ZFHX3: variants seen among roughly 807,000 people sequenced by gnomAD.
The protein encoded by ZFHX3 is zinc finger homeobox 3.
ZFHX3 carries 42 observed loss-of-function variants against 279.1 expected under a neutral mutation model. The ratio of observed to expected loss-of-function variants is 0.15; its 90% CI spans 0.12 to 0.19. The LOEUF is 0.19. Among genes scored for constraint, ZFHX3 ranks in the 10% least tolerant of loss-of-function variants. The probability of loss-of-function intolerance (pLI) is 1.00; values close to 1 mark genes in which losing one functional copy is unlikely to be tolerated. For missense variants in ZFHX3, 4,981 were observed against 4,754.0 expected (o/e 1.05, Z -1.40); for synonymous variants, 2,293 against 1,957.8 (o/e 1.17, Z -4.52).
intron 7 of ZFHX3, among the ~76,000 whole-genome samples, chr16:73,130,719 T>C (rs1255119233): frequency 6.6e-6 from 1 of 152,254 alleles, no homozygotes; most frequent in Non-Finnish European, 1.5e-5. Context: ...GGGATTCTCC[T>C]GCCTCAACCT....
At chr16:73,525,257 G>T (rs2019672126) in intron 2 of ZFHX3, among the ~76,000 whole-genome samples, 1 of 152,032 alleles carries the variant, frequency 6.6e-6, no homozygotes, top group Admixed American at 6.6e-5. Flanking sequence ...CTACATACAA[G>T]ACAAAACCCA....
At chr16:73,170,019 A>T (rs1427512897) in intron 5 of ZFHX3, among the ~76,000 whole-genome samples, 1 of 152,076 alleles carries the variant, frequency 6.6e-6, no homozygotes, top group Non-Finnish European at 1.5e-5. Flanking sequence ...TGTAAGCTCC[A>T]TGGAGGCAGG....
At chr16:73,729,552 AC>A (rs11341733) in intron 1 of ZFHX3, among the ~76,000 whole-genome samples, 112,866 of 148,152 alleles carry the variant, frequency 0.76, 43,347 homozygotes, top group East Asian at 0.86. Context: ...AAACAAACAA[AC>A]CAAAAAAAAA....
chr16:73,706,834 C>G (rs1477590948), intron 1 of ZFHX3, among the ~76,000 whole-genome samples: 3 of 152,170 alleles, frequency 2.0e-5, no homozygotes, highest in Non-Finnish European at 4.4e-5. Flanking sequence ...AATGAGCAAA[C>G]TGCTTTGTCA....
At chr16:73,557,932 C>T (rs1284612386) in intron 2 of ZFHX3, among the ~76,000 whole-genome samples, 1 of 152,150 alleles carries the variant, frequency 6.6e-6, no homozygotes, top group Non-Finnish European at 1.5e-5. Context: ...AAAAGCACAC[C>T]ATTCTGGAGC....
chr16:73,364,167 C>A (rs1205856940), intron 3 of ZFHX3, among the ~76,000 whole-genome samples: 7 of 83,542 alleles, frequency 8.4e-5, no homozygotes, highest in South Asian at 7.7e-4. Flanking sequence ...GTGAGTGAGA[C>A]CCTGTTTCAA....
intron 7 of ZFHX3, among the ~76,000 whole-genome samples, chr16:73,107,202 C>T (rs1038558685): frequency 3.3e-5 from 5 of 151,932 alleles, no homozygotes; most frequent in African/African-American, 9.7e-5. Flanking sequence ...CTCAGCTACT[C>T]GGGACTCTGA....
intron 2 of ZFHX3, among the ~76,000 whole-genome samples, chr16:73,603,119 C>A (rs774306242): frequency 3.3e-5 from 5 of 151,668 alleles, no homozygotes; most frequent in Admixed American, 2.0e-4. Context: ...CCTGTCTCTA[C>A]TAAAAAATAC....
intron 4 of ZFHX3, among the ~76,000 whole-genome samples, chr16:73,301,546 A>G (rs2015055989): frequency 6.6e-6 from 1 of 152,152 alleles, no homozygotes; most frequent in African/African-American, 2.4e-5. Context: ...GATACTGCCA[A>G]ATGTCCTCTG....
chr16:73,735,012 C>T (rs961368329), intron 1 of ZFHX3, among the ~76,000 whole-genome samples: 1 of 152,086 alleles, frequency 6.6e-6, no homozygotes, highest in Non-Finnish European at 1.5e-5. Flanking sequence ...CAACAGACAA[C>T]TTGAAGAATA....
intron 1 of ZFHX3, among the ~76,000 whole-genome samples, chr16:73,757,188 G>C (rs2053818873): frequency 6.6e-6 from 1 of 152,110 alleles, no homozygotes; most frequent in Non-Finnish European, 1.5e-5. Context: ...GGAGGGAAGG[G>C]TTGCCTGTAA....
intron 5 of ZFHX3, among the ~76,000 whole-genome samples, chr16:73,173,530 C>T (rs1485922309): frequency 2.6e-5 from 4 of 152,086 alleles, no homozygotes; most frequent in Non-Finnish European, 5.9e-5. Flanking sequence ...CTTTCCTCCA[C>T]CTCATTCTTT....
intron 3 of ZFHX3, among the ~76,000 whole-genome samples, chr16:73,372,493 C>A (rs758586446): frequency 9.9e-5 from 15 of 152,278 alleles, no homozygotes; most frequent in Non-Finnish European, 2.1e-4. Flanking sequence ...AATTTATACT[C>A]AAGTAATTAT....
At chr16:72,823,490 A>C (rs1734634091) in intron 5 of ZFHX3, among the ~76,000 whole-genome samples, 1 of 152,188 alleles carries the variant, frequency 6.6e-6, no homozygotes, top group Non-Finnish European at 1.5e-5. Context: ...CTGACAACAC[A>C]GTGTGTCTGT....
In ZFHX3 at chr16:73,750,061, A is replaced by G. The variant is rs183168928; in HGVS notation, c.-1607-69821T>C. Among the ~76,000 whole-genome samples, 161 of 152,210 alleles carry G rather than the reference A, an allele frequency of 1.1e-3. 1 individual carries two copies. The highest frequency in any genetic ancestry group is 1.6e-3 in the Non-Finnish European group (109 of 68,008). ...CCATCCATCCAATGGCTAACAATCT[A>G]TACTCTCCTGTGGAGAGTCAAGGGA... On this transcript the variant is annotated intron_variant, in intron 1 of 17. Transcript: ENST00000641206.
At chr16:73,693,882 G>A (rs2053171609) in intron 1 of ZFHX3, among the ~76,000 whole-genome samples, 1 of 152,106 alleles carries the variant, frequency 6.6e-6, no homozygotes, top group Admixed American at 6.6e-5. Flanking sequence ...GGCTCTCGGG[G>A]TAAGAAGAAA....
At chr16:73,111,986 C>T (rs964551392) in intron 7 of ZFHX3, among the ~76,000 whole-genome samples, 3 of 151,920 alleles carry the variant, frequency 2.0e-5, no homozygotes, top group African/African-American at 7.3e-5. Flanking sequence ...CCAAGAATCG[C>T]TTTAGAGGGG....
intron 5 of ZFHX3, chr16:73,233,900 C>T (rs556946364): frequency 8.5e-5 from 13 of 152,250 alleles, no homozygotes; most frequent in African/African-American, 2.6e-4. Context: ...CCAGTACATT[C>T]CAAGTTTCCT....
chr16:73,280,193 T>C (rs540756305), intron 4 of ZFHX3, among the ~76,000 whole-genome samples: 1 of 152,186 alleles, frequency 6.6e-6, no homozygotes, highest in African/African-American at 2.4e-5. Context: ...GGGGAAAAGA[T>C]CCTTGATATT....
Sources: allele counts gnomAD v4.1 joint callset (sites outside exome capture counted in the v4.1 genomes callset), GRCh38; gene constraint gnomAD v4.1.1; transcripts MANE v1.5; gene names NCBI Gene and HGNC (gene_info 2026-07-23, HGNC 2026-07-21).